Variants in CNTN5 observed in about 807,000 individuals in gnomAD.
CNTN5 encodes the protein contactin 5, also known as contactin-5.
In CNTN5, 77 loss-of-function variants were observed where a neutral mutation model predicts 129.1. That is an observed-to-expected ratio of 0.60 (90% CI 0.50 to 0.72). The LOEUF is 0.72. Ranked by LOEUF, CNTN5 falls within the 30% of genes least tolerant of loss-of-function variation. The pLI is 0.00. For missense variants in CNTN5, 1,478 were observed against 1,328.8 expected (o/e 1.11, Z -1.75); for synonymous variants, 509 against 465.6 (o/e 1.09, Z -1.20).
At chr11:99,333,323 A>G (rs1287020159) in intron 2 of CNTN5, among the ~76,000 whole-genome samples, 1 of 152,028 alleles carries the variant, frequency 6.6e-6, no homozygotes, top group South Asian at 2.1e-4. Flanking sequence ...TACACATACA[A>G]TAAAACAGAT....
At chr11:99,457,654 T>C (rs1944545528) in intron 2 of CNTN5, among the ~76,000 whole-genome samples, 1 of 151,868 alleles carries the variant, frequency 6.6e-6, no homozygotes, top group Non-Finnish European at 1.5e-5. Flanking sequence ...AATTGAAATA[T>C]GTTTTTAATT....
At chr11:99,989,073 C>A (rs7951874) in intron 8 of CNTN5, among the ~76,000 whole-genome samples, 46,564 of 151,716 alleles carry the variant, frequency 0.31, 7,718 homozygotes, top group African/African-American at 0.43. Context: ...TTTGTTTTAT[C>A]ATGGAAAACT....
intron 2 of CNTN5, among the ~76,000 whole-genome samples, chr11:99,330,046 C>T (rs1441837539): frequency 2.0e-5 from 3 of 148,854 alleles, no homozygotes; most frequent in Admixed American, 6.7e-5. Context: ...TTTTAACCAC[C>T]GAGTGGACTG....
chr11:100,256,842 G>A (rs1055406618), intron 17 of CNTN5, among the ~76,000 whole-genome samples: 3 of 152,072 alleles, frequency 2.0e-5, no homozygotes, highest in Admixed American at 6.6e-5. Context: ...TATGGCACCA[G>A]GGCCCTGGGT....
chr11:100,221,793 C>T (rs552071965), intron 15 of CNTN5, among the ~76,000 whole-genome samples: 1 of 149,750 alleles, frequency 6.7e-6, no homozygotes, highest in South Asian at 2.1e-4. Context: ...TTCATAAGGT[C>T]AACGAAAGCA....
chr11:99,153,400 C>A (rs890409754), intron 1 of CNTN5, among the ~76,000 whole-genome samples: 1 of 150,288 alleles, frequency 6.7e-6, no homozygotes, highest in African/African-American at 2.4e-5. Context: ...CTCTGAGATT[C>A]TTTCCTCAAC....
chr11:99,844,249 A>G (rs1320086147), intron 4 of CNTN5, among the ~76,000 whole-genome samples: 1 of 152,176 alleles, frequency 6.6e-6, no homozygotes, highest in Non-Finnish European at 1.5e-5. Flanking sequence ...AGTTGTATAA[A>G]GTTTTGCCAT....
intron 18 of CNTN5, among the ~76,000 whole-genome samples, chr11:100,271,981 C>T (rs186439235): frequency 1.4e-3 from 219 of 152,170 alleles, no homozygotes; most frequent in Middle Eastern, 6.8e-3. Context: ...TTATGTCCCT[C>T]TAATGTTGTA....
chr11:99,043,542 C>T (rs578149939), intron 1 of CNTN5, among the ~76,000 whole-genome samples: 26 of 152,162 alleles, frequency 1.7e-4, no homozygotes, highest in Non-Finnish European at 2.5e-4. Flanking sequence ...TGGCTATTTG[C>T]CATTAATGAA....
chr11:100,037,603 T>G (rs1223374870), intron 9 of CNTN5, among the ~76,000 whole-genome samples: 1 of 152,180 alleles, frequency 6.6e-6, no homozygotes, highest in Non-Finnish European at 1.5e-5. Flanking sequence ...GGTCCTGGAC[T>G]CTTTTTGCTT....
intron 15 of CNTN5, among the ~76,000 whole-genome samples, chr11:100,218,390 T>G (rs1275940606): frequency 6.6e-6 from 1 of 152,204 alleles, no homozygotes; most frequent in Non-Finnish European, 1.5e-5. Context: ...TACAAAGAGA[T>G]GCATACCAGC....
chr11:99,501,631 A>G (rs1267986172), intron 2 of CNTN5, among the ~76,000 whole-genome samples: 1 of 152,220 alleles, frequency 6.6e-6, no homozygotes, highest in Non-Finnish European at 1.5e-5. Flanking sequence ...ATCCACAGGT[A>G]AAAGATATTT....
At position 100,224,788 on chromosome 11, in the gene CNTN5, G is replaced by A. The variant is rs201986333; in HGVS notation, c.1981G>A (p.Asp661Asn). The A allele has an allele frequency of 6.2e-6, 10 of 1,613,218 alleles. No individual in the cohort carries two copies. The highest frequency in any genetic ancestry group is 7.6e-6 in the Non-Finnish European group (9 of 1,179,272). Residue 661 changes from aspartate to asparagine, a missense_variant, in exon 16 of 25, where the codon GAT (aspartate) becomes AAT (asparagine). Transcript: ENST00000524871. ...ACAGACCACAGCAGACAGTGTGTCA[G>A]ATGAGGCAGAACTTCTTGTTAGGGG... is the stretch of plus-strand genomic sequence containing the variant. Reference protein sequence around the residue: ...RVQTTADSVSDEAELLVRGPP... With the variant: ...RVQTTADSVSNEAELLVRGPP...
intron 2 of CNTN5, among the ~76,000 whole-genome samples, chr11:99,457,449 G>T (rs1944537722): frequency 6.6e-6 from 1 of 151,786 alleles, no homozygotes; most frequent in Non-Finnish European, 1.5e-5. Flanking sequence ...AAAGAAATAG[G>T]ATTTGATGTG....
At position 100,023,332 on chromosome 11, in the gene CNTN5, AT is replaced by A. The variant is rs949478269; in HGVS notation, c.980+21203del. Reference sequence around the variant, plus strand: ...ACAGTGAAATTTTGATTTTTTCAGGATTTTTTTAAAAAGAACTTTATTGTTT... The same window carrying A: ...ACAGTGAAATTTTGATTTTTTCAGGATTTTTTAAAAAGAACTTTATTGTTT... On this transcript the variant is annotated intron_variant, in intron 9 of 24. Coordinates refer to ENST00000524871, the MANE Select transcript of CNTN5 (RefSeq NM_014361.4). Among the ~76,000 whole-genome samples, 2 of 152,058 alleles carry A rather than the reference AT, an allele frequency of 1.3e-5. 1 individual carries two copies. Among genetic ancestry groups the A allele is most frequent in the Non-Finnish European group, 2.9e-5 (2 of 67,998 alleles).
At chr11:100,328,420 T>TA (rs1288796070) in intron 21 of CNTN5, among the ~76,000 whole-genome samples, 3 of 152,050 alleles carry the variant, frequency 2.0e-5, no homozygotes, top group African/African-American at 7.2e-5. Flanking sequence ...TGAGACTGGG[T>TA]AATTGATAAA....
chr11:99,129,689 A>G (rs1858833361), intron 1 of CNTN5, among the ~76,000 whole-genome samples: 4 of 152,288 alleles, frequency 2.6e-5, no homozygotes, highest in African/African-American at 9.6e-5. Context: ...AAATACAGGA[A>G]AAAATGTTAA....
chr11:99,975,876 A>G (rs1937921118), intron 8 of CNTN5, among the ~76,000 whole-genome samples: 1 of 152,152 alleles, frequency 6.6e-6, no homozygotes, highest in South Asian at 2.1e-4. Flanking sequence ...TTAACCCATC[A>G]TGCTTTTCCC....
intron 1 of CNTN5, among the ~76,000 whole-genome samples, chr11:99,238,007 A>G (rs1337757250): frequency 6.6e-6 from 1 of 152,198 alleles, no homozygotes; most frequent in African/African-American, 2.4e-5. Context: ...ATTGTAAAAT[A>G]ATCTAACAAA....
Sources: allele counts gnomAD v4.1 joint callset (sites outside exome capture counted in the v4.1 genomes callset), GRCh38; gene constraint gnomAD v4.1.1; transcripts MANE v1.5; gene names NCBI Gene and HGNC (gene_info 2026-07-23, HGNC 2026-07-21).